FAT3: variants seen among roughly 807,000 people sequenced by gnomAD.
FAT3 encodes protocadherin Fat 3.
In FAT3, 95 loss-of-function variants were observed where a neutral mutation model predicts 310.2. The ratio of observed to expected loss-of-function variants is 0.31; its 90% CI spans 0.26 to 0.36. The LOEUF is 0.36. Among genes scored for constraint, FAT3 ranks in the 10% least tolerant of loss-of-function variants. The pLI, the probability that FAT3 is intolerant of heterozygous loss-of-function variation, is 1.00. For missense variants in FAT3, 5,408 were observed against 5,715.6 expected, an observed-to-expected ratio of 0.95 and a Z score of 1.74; for synonymous variants, 2,314 against 2,192.9, an observed-to-expected ratio of 1.06 and a Z score of -1.54.
chr11:92,353,748 A>T lies in FAT3; in HGVS notation c.1636A>T (p.Ile546Phe), dbSNP rs763402792. 3 of 1,613,882 alleles carry T rather than the reference A, an allele frequency of 1.9e-6. No homozygotes were observed. The South Asian group carries it at 3.3e-5, about 18-fold the overall frequency. ...ATCCTCCCCAGAAATTTACAGATTC[A>T]TTGTTAGAGCCTCTGACTGGGGTTC... is the stretch of plus-strand genomic sequence containing the variant. ...FESSPEIYRF[I>F]VRASDWGSPY... The change falls in exon 2 of 28, where the codon ATT becomes TTT. Residue 546 changes from isoleucine (I) to phenylalanine (F), a missense_variant. Physicochemically the swap from Ile to Phe is conservative, Grantham distance 21 (BLOSUM62 0). Transcript: ENST00000525166.
At chr11:92,852,581 T>C (rs546382261) in intron 19 of FAT3, among the ~76,000 whole-genome samples, 3 of 152,114 alleles carry the variant, frequency 2.0e-5, no homozygotes, top group African/African-American at 7.2e-5. Context: ...CCCTTAATCC[T>C]AAAGAACCTA....
At chr11:92,770,716 A>G (rs1159499844) in intron 6 of FAT3, among the ~76,000 whole-genome samples, 3 of 152,182 alleles carry the variant, frequency 2.0e-5, no homozygotes, top group African/African-American at 7.2e-5. Context: ...CTAAAGGGGA[A>G]GCTGTGTGAT....
At chr11:92,880,028 A>G (rs963993543) in intron 22 of FAT3, among the ~76,000 whole-genome samples, 1 of 152,022 alleles carries the variant, frequency 6.6e-6, no homozygotes, top group African/African-American at 2.4e-5. Context: ...GAGATAATGC[A>G]TCTCAAGAGG....
intron 2 of FAT3, among the ~76,000 whole-genome samples, chr11:92,461,788 A>G (rs1951644420): frequency 6.6e-6 from 1 of 152,200 alleles, no homozygotes; most frequent in Non-Finnish European, 1.5e-5. Flanking sequence ...AGATGTTCAA[A>G]TAGGGGAATG....
intron 1 of FAT3, among the ~76,000 whole-genome samples, chr11:92,238,927 C>T (rs1280082851): frequency 2.0e-5 from 3 of 152,038 alleles, no homozygotes; most frequent in East Asian, 1.9e-4. Context: ...ATAACAGTAA[C>T]GTGCATTCGT....
chr11:92,708,231 T>TTTAA (rs1251121182), intron 4 of FAT3, among the ~76,000 whole-genome samples: 1 of 152,224 alleles, frequency 6.6e-6, no homozygotes, highest in South Asian at 2.1e-4. Context: ...AGTTTGGTTG[T>TTTAA]TTAATTTTTG....
At chr11:92,880,192 ATTCC>A (rs1481803165) in intron 22 of FAT3, among the ~76,000 whole-genome samples, 1 of 151,094 alleles carries the variant, frequency 6.6e-6, no homozygotes, top group South Asian at 2.1e-4. Context: ...AAAGGCTGGA[ATTCC>A]TTCCATTTCC....
intron 4 of FAT3, among the ~76,000 whole-genome samples, chr11:92,745,769 C>G (rs1238448025): frequency 6.6e-6 from 1 of 152,120 alleles, no homozygotes; most frequent in East Asian, 1.9e-4. Context: ...AGAAAAGATA[C>G]CTTCATTGTC....
chr11:92,260,232 T>C (rs1464672623), intron 1 of FAT3, among the ~76,000 whole-genome samples: 2 of 151,930 alleles, frequency 1.3e-5, no homozygotes. Flanking sequence ...CAGCTTAAAG[T>C]GGTGTGTGTG....
chr11:92,595,558 C>G (rs1199459347), intron 3 of FAT3, among the ~76,000 whole-genome samples: 4 of 152,128 alleles, frequency 2.6e-5, no homozygotes, highest in Non-Finnish European at 5.9e-5. Context: ...TTTGGTCTTT[C>G]TTTGATTGGT....
chr11:92,533,668 T>A (rs1317228384), intron 3 of FAT3, among the ~76,000 whole-genome samples: 1 of 152,216 alleles, frequency 6.6e-6, no homozygotes, highest in Admixed American at 6.5e-5. Context: ...TTGACCTGGC[T>A]GGGACCTTCC....
intron 2 of FAT3, among the ~76,000 whole-genome samples, chr11:92,446,046 A>G (rs1951200509): frequency 6.6e-6 from 1 of 151,986 alleles, no homozygotes; most frequent in Non-Finnish European, 1.5e-5. Context: ...ATCAGCCTCC[A>G]TGGGGAATTT....
At chr11:92,281,234 G>A (rs1946413023) in intron 1 of FAT3, among the ~76,000 whole-genome samples, 1 of 152,028 alleles carries the variant, frequency 6.6e-6, no homozygotes, top group Non-Finnish European at 1.5e-5. Context: ...TGTTAAGTGG[G>A]GAGTGGAAGA....
intron 2 of FAT3, among the ~76,000 whole-genome samples, chr11:92,410,847 A>C (rs770622745): frequency 1.8e-4 from 27 of 151,928 alleles, no homozygotes; most frequent in Non-Finnish European, 3.1e-4. Flanking sequence ...TTTTCTTGGA[A>C]TATAATCTTG....
chr11:92,571,337 AG>A (rs1955658260), intron 3 of FAT3, among the ~76,000 whole-genome samples: 1 of 152,090 alleles, frequency 6.6e-6, no homozygotes, highest in Non-Finnish European at 1.5e-5. Flanking sequence ...ACAGGCAGCT[AG>A]GGGTGAGGGA....
intron 2 of FAT3, among the ~76,000 whole-genome samples, chr11:92,419,083 A>T (rs537544495): frequency 1.3e-5 from 2 of 152,232 alleles, no homozygotes; most frequent in South Asian, 4.2e-4. Flanking sequence ...ACATTCCCTG[A>T]GTGAAAGCTC....
intron 2 of FAT3, among the ~76,000 whole-genome samples, chr11:92,411,341 A>G (rs1469950174): frequency 6.6e-6 from 1 of 151,638 alleles, no homozygotes; most frequent in Non-Finnish European, 1.5e-5. Context: ...TCTAGTAGGG[A>G]ATTATGTAAA....
intron 3 of FAT3, among the ~76,000 whole-genome samples, chr11:92,592,221 G>A (rs1378135780): frequency 6.6e-6 from 1 of 151,512 alleles, no homozygotes; most frequent in East Asian, 1.9e-4. Flanking sequence ...AGTCTCATTA[G>A]GTTTGCAAAC....
intron 3 of FAT3, among the ~76,000 whole-genome samples, chr11:92,585,542 C>G (rs187669396): frequency 6.6e-6 from 1 of 152,080 alleles, no homozygotes; most frequent in Non-Finnish European, 1.5e-5. Flanking sequence ...TTCAATTATT[C>G]CTACAAAGCA....
Sources: gnomAD v4.1 joint callset for allele counts (sites outside exome capture counted in the v4.1 genomes callset) on GRCh38, gnomAD v4.1.1 for gene constraint, MANE v1.5 for transcripts, NCBI Gene and HGNC (gene_info 2026-07-23, HGNC 2026-07-21) for gene names.